The following ADCK1 variants were observed in gnomAD, a reference collection of about 807,000 sequenced individuals.
ADCK1 encodes aarF domain-containing protein kinase 1.
A neutral mutation model predicts 52.3 loss-of-function variants in ADCK1; 41 were observed. The observed-to-expected ratio is 0.78, with a 90% CI of 0.61 to 1.02. ADCK1 has a LOEUF of 1.02. Among genes scored for constraint, ADCK1 ranks in the 50% least tolerant of loss-of-function variants. ADCK1 has a pLI of 0.00. For missense variants in ADCK1, 658 were observed against 679.5 expected, an observed-to-expected ratio of 0.97 and a Z score of 0.35; for synonymous variants, 250 against 274.6, an observed-to-expected ratio of 0.91 and a Z score of 0.89.
intron 9 of ADCK1, among the ~76,000 whole-genome samples, chr14:77,927,571 G>A (rs1347310330): frequency 6.6e-6 from 1 of 152,198 alleles, no homozygotes; most frequent in African/African-American, 2.4e-5. Flanking sequence ...GAACAAACAG[G>A]TGAATGGAAT....
chr14:77,901,697 G>A (rs942958968), intron 6 of ADCK1, among the ~76,000 whole-genome samples: 4 of 152,146 alleles, frequency 2.6e-5, no homozygotes. Context: ...GCCGGAGCTG[G>A]TCTTTAAGGA....
At chr14:77,841,551 T>C (rs7493386) in intron 3 of ADCK1, among the ~76,000 whole-genome samples, 57,952 of 148,318 alleles carry the variant, frequency 0.39, 11,773 homozygotes, top group Admixed American at 0.51. Context: ...CAGGCCAGGC[T>C]TAGTGGTTCA....
At chr14:77,872,462 C>T (rs1383729098) in intron 4 of ADCK1, among the ~76,000 whole-genome samples, 1 of 152,048 alleles carries the variant, frequency 6.6e-6, no homozygotes, top group Non-Finnish European at 1.5e-5. Flanking sequence ...TCCCTAAAAG[C>T]CAATCATAAG....
At chr14:77,860,477 G>A (rs926592854) in intron 4 of ADCK1, among the ~76,000 whole-genome samples, 2 of 152,200 alleles carry the variant, frequency 1.3e-5, no homozygotes, top group Admixed American at 6.5e-5. Flanking sequence ...CCCCAGGTAC[G>A]CAGCATCCAT....
chr14:77,886,703 T>G (rs2083155452), intron 4 of ADCK1, among the ~76,000 whole-genome samples: 2 of 151,884 alleles, frequency 1.3e-5, no homozygotes, highest in Non-Finnish European at 2.9e-5. Flanking sequence ...CTGAGGTGGG[T>G]GGGTCACTTG....
At chr14:77,836,773 C>CTTT (rs56672313) in intron 3 of ADCK1, among the ~76,000 whole-genome samples, 3 of 41,772 alleles carry the variant, frequency 7.2e-5, no homozygotes, top group East Asian at 8.3e-4. Flanking sequence ...TTCTTTCTTT[C>CTTT]TTTTTTTTTT....
intron 4 of ADCK1, among the ~76,000 whole-genome samples, chr14:77,863,537 A>C (rs1318250975): frequency 6.6e-6 from 1 of 152,116 alleles, no homozygotes; most frequent in African/African-American, 2.4e-5. Flanking sequence ...GTTACAGCCT[A>C]TTTCAAGAAA....
intron 7 of ADCK1, among the ~76,000 whole-genome samples, chr14:77,917,329 ACCT>A (rs2083948130): frequency 2.0e-5 from 3 of 151,960 alleles, no homozygotes; most frequent in Admixed American, 2.0e-4. Context: ...TGAATGATTA[ACCT>A]CCTTATAGTT....
chr14:77,836,773 C>CTTTT (rs56672313), intron 3 of ADCK1, among the ~76,000 whole-genome samples: 6 of 41,772 alleles, frequency 1.4e-4, no homozygotes, highest in South Asian at 9.1e-4. Flanking sequence ...TTCTTTCTTT[C>CTTTT]TTTTTTTTTT....
Position 77,852,900 on chromosome 14 carries a change from TATATA to T in ADCK1, c.220-6175_220-6171del, listed in dbSNP as rs1566667939. On this transcript the variant is annotated intron_variant, in intron 3 of 10. Transcript: ENST00000238561. ...TTATGTGTGTATATATATATATATA[TATATA>T]TATTTTTTTTTTTTTTTTTTTTTTT... is the stretch of plus-strand genomic sequence containing the variant. 3.9e-3 allele frequency among the ~76,000 whole-genome samples: 172 copies of T among 44,140 alleles called. 4 individuals carry two copies. Among genetic ancestry groups the T allele is most frequent in the African/African-American group, 0.018 (163 of 9,268 alleles). The allele number at this position is 44,140 out of a possible 152,430, so 29.0% of individuals were successfully genotyped here.
chr14:77,891,176 A>G (rs1457710602), intron 5 of ADCK1, among the ~76,000 whole-genome samples: 1 of 152,190 alleles, frequency 6.6e-6, no homozygotes, highest in African/African-American at 2.4e-5. Flanking sequence ...AGAAGGTAGC[A>G]TTGGAGACTC....
At chr14:77,866,391 C>G (rs7160485) in intron 4 of ADCK1, among the ~76,000 whole-genome samples, 30,069 of 152,174 alleles carry the variant, frequency 0.2, 3,084 homozygotes, top group Middle Eastern at 0.3. Flanking sequence ...TCTTCCTGAT[C>G]AGTACCCAGC....
intron 3 of ADCK1, among the ~76,000 whole-genome samples, chr14:77,825,709 T>C (rs1049618728): frequency 6.6e-6 from 1 of 151,088 alleles, no homozygotes; most frequent in Non-Finnish European, 1.5e-5. Flanking sequence ...TGGTGCGATC[T>C]CGGCTCACTG....
chr14:77,887,241 C>T lies in ADCK1; in HGVS notation c.574C>T (p.Leu192=). Residue 192 remains leucine (L), a synonymous_variant, in exon 5 of 11, where the codon CTG becomes TTG. Coordinates refer to ENST00000238561, the MANE Select transcript of ADCK1 (RefSeq NM_020421.4). ...VRAQSSKDIL[L]MEVLVLAVKQ... is the part of the protein sequence containing the mutation. ...GGCTCAGAGCTCGAAGGACATTCTC[C>T]TGATGGAGGTGAGAGCCCTCCCTTT... 1 of 1,578,606 alleles carries T rather than the reference C, an allele frequency of 6.3e-7. No individual in the cohort carries two copies. Among genetic ancestry groups the T allele is most frequent in the South Asian group, 1.2e-5 (1 of 85,182 alleles).
intron 4 of ADCK1, among the ~76,000 whole-genome samples, chr14:77,871,476 GC>G (rs2082777092): frequency 6.6e-6 from 1 of 152,102 alleles, no homozygotes; most frequent in Non-Finnish European, 1.5e-5. Context: ...TCCCGCCTCA[GC>G]CTCCCAAGTA....
chr14:77,929,863 C>T (rs891681493), intron 9 of ADCK1, among the ~76,000 whole-genome samples: 10 of 152,102 alleles, frequency 6.6e-5, no homozygotes, highest in East Asian at 1.9e-4. Flanking sequence ...GATGGGGTTT[C>T]GCTATGTTGG....
intron 6 of ADCK1, among the ~76,000 whole-genome samples, 184 bp downstream of exon 6, chr14:77,899,442 A>G (rs1345488370): frequency 6.6e-6 from 1 of 152,198 alleles, no homozygotes; most frequent in Non-Finnish European, 1.5e-5. Flanking sequence ...ATTTGCAAAG[A>G]AATATCAAGT....
At chr14:77,823,922 A>G (rs905903806) in intron 3 of ADCK1, among the ~76,000 whole-genome samples, 4 of 151,420 alleles carry the variant, frequency 2.6e-5, no homozygotes, top group Non-Finnish European at 5.9e-5. Flanking sequence ...TTTTTGAGAC[A>G]GAGTCTTACT....
intron 4 of ADCK1, among the ~76,000 whole-genome samples, chr14:77,882,656 G>A (rs2083053833): frequency 6.6e-6 from 1 of 152,218 alleles, no homozygotes; most frequent in Non-Finnish European, 1.5e-5. Flanking sequence ...GGTACTCCAA[G>A]CAAAACTCCT....
Sources: allele counts gnomAD v4.1 joint callset (sites outside exome capture counted in the v4.1 genomes callset), GRCh38; gene constraint gnomAD v4.1.1; transcripts MANE v1.5; gene names NCBI Gene and HGNC (gene_info 2026-07-23, HGNC 2026-07-21).